The following ORC1 variants were observed in gnomAD, a reference collection of about 807,000 sequenced individuals.
ORC1 encodes the protein origin recognition complex, subunit 1 homolog.
Under a neutral mutation model 98.9 loss-of-function variants are expected in ORC1, and 61 were observed. The observed-to-expected ratio is 0.62, with a 90% CI of 0.50 to 0.76. The LOEUF is 0.76. Among genes scored for constraint, ORC1 ranks in the 30% least tolerant of loss-of-function variants. The pLI is 0.00. For synonymous variants in ORC1, 385 were observed against 406.9 expected, an observed-to-expected ratio of 0.95 and a Z score of 0.65; for missense variants, 979 against 1,072.2, an observed-to-expected ratio of 0.91 and a Z score of 1.21.
intron 15 of ORC1, 135 bp from the exon 16 acceptor site, chr1:52,375,032 G>A (rs1646976396): frequency 5.9e-6 from 4 of 679,052 alleles, no homozygotes; most frequent in Non-Finnish European, 1.1e-5. Context: ...TATGTGGCAA[G>A]GATCTCCCTG....
rs774364045 is a variant in ORC1, at chr1:52,384,579, G to T, written c.1726C>A (p.Pro576Thr). 1.9e-6 allele frequency: 3 copies of T among 1,613,996 alleles called. No individual in the cohort carries two copies. Among genetic ancestry groups the T allele is most frequent in the Non-Finnish European group, 2.5e-6 (3 of 1,180,014 alleles). Reference protein sequence around the residue: ...IEVNGMKLTEPHQVYVQILQK... With the variant: ...IEVNGMKLTETHQVYVQILQK... ...AAGATTTGCACATAGACTTGGTGGGGCTCCGTCAGCTTCATGCCATTGACC... is the reference window on the plus strand; with the variant it reads ...AAGATTTGCACATAGACTTGGTGGGTCTCCGTCAGCTTCATGCCATTGACC... The change falls in exon 11 of 17, where the codon CCC (proline) becomes ACC (threonine). Residue 576 changes from proline to threonine, a missense_variant. By Grantham distance (38) the Pro-to-Thr change is conservative. Transcript: ENST00000371568.
chr1:52,385,842 G>C lies in ORC1; in HGVS notation c.1481+10C>G. ...CTGCCTCTCTGAAGGGGAATCAACA[G>C]CAGCAGTACCTCAGTCGGGCTTCCT... On this transcript the variant is annotated intron_variant, in intron 9 of 16. Transcript: ENST00000371568. 1 of 1,598,140 alleles carries C rather than the reference G, an allele frequency of 6.3e-7. No homozygotes were observed. Among genetic ancestry groups the C allele is most frequent in the Non-Finnish European group, 8.6e-7 (1 of 1,165,476 alleles).
intron 8 of ORC1, among the ~76,000 whole-genome samples, chr1:52,387,471 T>C (rs1043689078): frequency 5.9e-5 from 9 of 152,038 alleles, no homozygotes; most frequent in Admixed American, 2.6e-4. Flanking sequence ...CTTTTCTTTT[T>C]TCTTGAGATA....
upstream of ORC1, chr1:52,408,271 G>T: frequency 2.2e-6 from 1 of 462,312 alleles, no homozygotes; most frequent in Admixed American, 3.0e-5. Context: ...TATTTCTTTT[G>T]ATTCTTAGAG....
chr1:52,404,847 A>G (rs1647925601), upstream of ORC1: 1 of 1,614,240 alleles, frequency 6.2e-7, no homozygotes, highest in South Asian at 1.1e-5. Context: ...TATGAGTCCA[A>G]GTACTGGAAA....
In ORC1 at chr1:52,381,647, T is replaced by C. The variant is rs770204015; in HGVS notation, c.2128A>G (p.Arg710Gly). 2 of 1,612,536 alleles carry C rather than the reference T, an allele frequency of 1.2e-6. No individual in the cohort carries two copies. The highest frequency in any genetic ancestry group is 1.3e-5 in the African/African-American group (1 of 75,010). Residue 710 changes from arginine (R) to glycine (G), a missense_variant, in exon 14 of 17, where the codon AGG becomes GGG. By Grantham distance (125) the Arg-to-Gly change is moderately radical (BLOSUM62 -2). Transcript: ENST00000371568. ...GGGTGCAGCTGGTGACTTACCTTCC[T>C]GGCTACCAGCTGGATGGCATCATCT... ...FEDDAIQLVA[R>G]KVAALSGDAR...
intron 14 of ORC1, among the ~76,000 whole-genome samples, chr1:52,377,613 T>G (rs549755829): frequency 1.3e-5 from 2 of 151,826 alleles, no homozygotes; most frequent in South Asian, 4.2e-4. Flanking sequence ...TTGCTTGGAT[T>G]TGGAGCCCAA....
chr1:52,376,598 G>A (rs1983833), intron 14 of ORC1, among the ~76,000 whole-genome samples: 22,681 of 152,078 alleles, frequency 0.15, 1,957 homozygotes, highest in Middle Eastern at 0.23. Context: ...ACTGGTAAGG[G>A]TGTCCTGTAG....
chr1:52,393,640 T>C lies in ORC1; in HGVS notation c.885A>G (p.Lys295=), dbSNP rs1647276716. The change falls in exon 6 of 17, where the codon AAA becomes AAG. Residue 295 remains lysine, a synonymous_variant. Transcript: ENST00000371568. ...TATAAGAGAGTCCAGTCTCTCTGGT[T>C]TTCTCTGGGGCTTTCAGAGCTGGAG... ...TLSPALKAPE[K]TRETGLSYTE... is the part of the protein sequence containing the mutation. 1 of 1,614,184 alleles carries C rather than the reference T, an allele frequency of 6.2e-7. No individual in the cohort carries two copies. Among genetic ancestry groups the C allele is most frequent in the African/African-American group, 1.3e-5 (1 of 75,050 alleles).
chr1:52,393,433 C>T lies in ORC1; in HGVS notation c.1082+10G>A. The T allele has an allele frequency of 6.2e-7, 1 of 1,614,104 alleles. No individual in the cohort carries two copies. Among genetic ancestry groups the T allele is most frequent in the South Asian group, 1.1e-5 (1 of 91,064 alleles). ...TTTCAATTTGCTCTGTGGGTAATGT[C>T]CCTGGTCACCTCTTTTTGATGTTTT... On this transcript the variant is annotated intron_variant, in intron 6 of 16. Coordinates refer to ENST00000371568, the MANE Select transcript of ORC1 (RefSeq NM_004153.4).
chr1:52,399,488 G>T (rs1647589848), intron 3 of ORC1, among the ~76,000 whole-genome samples: 1 of 152,078 alleles, frequency 6.6e-6, no homozygotes, highest in African/African-American at 2.4e-5. Flanking sequence ...GCTGGGCATG[G>T]TGGCGGGTGC....
intron 3 of ORC1, among the ~76,000 whole-genome samples, chr1:52,398,649 T>G (rs551246807): frequency 7.2e-5 from 11 of 152,248 alleles, no homozygotes; most frequent in African/African-American, 2.4e-4. Context: ...TGGTTTGATC[T>G]TGGCTCACTG....
At chr1:52,384,304 G>A (rs1647112505) in intron 11 of ORC1, among the ~76,000 whole-genome samples, 1 of 152,200 alleles carries the variant, frequency 6.6e-6, no homozygotes, top group Non-Finnish European at 1.5e-5. Flanking sequence ...ACTGCTACCT[G>A]TAAGCTCACA....
intron 2 of ORC1, among the ~76,000 whole-genome samples, 197 bp from the exon 3 acceptor site, chr1:52,401,686 G>A (rs1647715025): frequency 6.6e-6 from 1 of 152,096 alleles, no homozygotes; most frequent in Admixed American, 6.5e-5. Context: ...GCTGAGTAAT[G>A]AATCCAAAGG....
chr1:52,383,731 T>A, intron 12 of ORC1, 99 bp downstream of exon 12: 1 of 1,294,346 alleles, frequency 7.7e-7, no homozygotes. Flanking sequence ...TGGGCTCATA[T>A]GAATGGAGAA....
intron 16 of ORC1, among the ~76,000 whole-genome samples, chr1:52,373,762 T>C (rs956490371): frequency 1.3e-5 from 2 of 152,194 alleles, no homozygotes; most frequent in South Asian, 2.1e-4. Context: ...AGTTTCATAA[T>C]TGAGACTGTC....
intron 16 of ORC1, among the ~76,000 whole-genome samples, chr1:52,374,564 C>T (rs1646970450): frequency 6.6e-6 from 1 of 152,234 alleles, no homozygotes. Context: ...GTAACTTTGT[C>T]TTGTTCCTCA....
upstream of ORC1, chr1:52,404,587 G>C: frequency 1.6e-6 from 1 of 634,078 alleles, no homozygotes; most frequent in Non-Finnish European, 2.6e-6. Flanking sequence ...GCGACGCGGG[G>C]AGCGGAAGCC....
chr1:52,389,151 G>T, intron 7 of ORC1, 66 bp downstream of exon 7: 1 of 1,143,926 alleles, frequency 8.7e-7, no homozygotes, highest in Non-Finnish European at 1.3e-6. Context: ...AGAGGCATTA[G>T]GAGATAAGAT....
Sources: gnomAD v4.1 joint callset for allele counts (sites outside exome capture counted in the v4.1 genomes callset) on GRCh38, gnomAD v4.1.1 for gene constraint, MANE v1.5 for transcripts, NCBI Gene and HGNC (gene_info 2026-07-23, HGNC 2026-07-21) for gene names.